The following FRMD4B variants were observed in gnomAD, a reference collection of about 807,000 sequenced individuals.
FRMD4B encodes FERM domain-containing protein 4B.
FRMD4B carries 74 observed loss-of-function variants against 141.5 expected under a neutral mutation model. The observed-to-expected ratio is 0.52, with a 90% CI of 0.43 to 0.63. The LOEUF is 0.63. FRMD4B is among the 30% of genes least tolerant of loss of function. FRMD4B has a pLI of 0.00. For synonymous variants in FRMD4B, 506 were observed against 467.9 expected (o/e 1.08, Z -1.05); for missense variants, 1,366 against 1,253.4 (o/e 1.09, Z -1.36).
intron 20 of FRMD4B, among the ~76,000 whole-genome samples, chr3:69,182,197 C>T (rs1487277893): frequency 1.3e-5 from 2 of 152,126 alleles, no homozygotes; most frequent in Non-Finnish European, 1.5e-5. Context: ...CTTGCTTCCT[C>T]CTTTGTAAGA....
At chr3:69,469,667 A>G (rs995613448) in intron 1 of FRMD4B, among the ~76,000 whole-genome samples, 8 of 152,220 alleles carry the variant, frequency 5.3e-5, no homozygotes, top group Non-Finnish European at 1.0e-4. Flanking sequence ...CCACAAGATT[A>G]TTATTAATCA....
intron 1 of FRMD4B, among the ~76,000 whole-genome samples, chr3:69,368,109 T>C (rs1413064925): frequency 2.6e-5 from 4 of 152,204 alleles, no homozygotes; most frequent in Non-Finnish European, 5.9e-5. Flanking sequence ...TTTATTGAGT[T>C]CTTTTCATGT....
intron 5 of FRMD4B, among the ~76,000 whole-genome samples, chr3:69,273,433 T>C (rs934178564): frequency 3.9e-5 from 6 of 152,322 alleles, no homozygotes; most frequent in Non-Finnish European, 5.9e-5. Context: ...AATCTGATCA[T>C]GCAATGCTGA....
intron 1 of FRMD4B, among the ~76,000 whole-genome samples, chr3:69,520,054 T>A (rs1204871112): frequency 1.7e-5 from 2 of 120,266 alleles, no homozygotes; most frequent in Non-Finnish European, 3.4e-5. Flanking sequence ...TCCATCCATA[T>A]ATATATATGA....
At chr3:69,310,265 G>A (rs1701532844) in intron 3 of FRMD4B, among the ~76,000 whole-genome samples, 1 of 152,104 alleles carries the variant, frequency 6.6e-6, no homozygotes, top group Non-Finnish European at 1.5e-5. Flanking sequence ...GGAATAATCA[G>A]AAGCCACAAG....
chr3:69,196,858 A>G (rs1244369595), intron 13 of FRMD4B, 42 bp downstream of exon 13: 2 of 1,495,954 alleles, frequency 1.3e-6, no homozygotes, highest in Non-Finnish European at 1.8e-6. Context: ...ACAGAATGCA[A>G]AAGGGGAATC....
chr3:69,309,892 T>C (rs1701520065), intron 3 of FRMD4B, among the ~76,000 whole-genome samples: 1 of 152,238 alleles, frequency 6.6e-6, no homozygotes, highest in Non-Finnish European at 1.5e-5. Context: ...TTATGTCTTA[T>C]ACTGTTTGCT....
In FRMD4B at chr3:69,353,632, TGTGTGTGTGTGCGCGC is replaced by T. The variant is rs1287506777; in HGVS notation, c.162+32180_162+32195del. On this transcript the variant is annotated intron_variant, in intron 1 of 22. Coordinates refer to ENST00000398540, the MANE Select transcript of FRMD4B (RefSeq NM_015123.3). Reference sequence around the variant, plus strand: ...ACACGTATTAAGCACTTGTGCGGTGTGTGTGTGTGTGCGCGCGCGTGTGTGTGCGCGCATGTGCTTG... The same window carrying T: ...ACACGTATTAAGCACTTGTGCGGTGTGCGTGTGTGTGCGCGCATGTGCTTG... The T allele has an allele frequency of 1.6e-5, 16 of 981,694 alleles. No individual in the cohort carries two copies. The East Asian group carries it at 1.6e-3, about 98-fold the overall frequency. 60.8% of individuals were successfully genotyped at this position (981,694 alleles called of 1,614,324 possible). A position where few individuals can be genotyped will look rare whatever the true frequency, so the allele number is the denominator to read the frequency against.
At chr3:69,213,905 TG>T (rs2093112612) in intron 11 of FRMD4B, among the ~76,000 whole-genome samples, 4 of 152,060 alleles carry the variant, frequency 2.6e-5, no homozygotes, top group African/African-American at 9.6e-5. Context: ...CTTGAACTCC[TG>T]GCCTTAAGTA....
At chr3:69,498,590 C>T (rs571316082) in intron 1 of FRMD4B, among the ~76,000 whole-genome samples, 2 of 152,314 alleles carry the variant, frequency 1.3e-5, no homozygotes, top group South Asian at 4.1e-4. Context: ...AACAAGGATT[C>T]ATCTTTCTCT....
intron 1 of FRMD4B, among the ~76,000 whole-genome samples, chr3:69,473,864 G>T (rs975814137): frequency 2.0e-5 from 3 of 152,144 alleles, no homozygotes; most frequent in South Asian, 4.1e-4. Flanking sequence ...ACAAGAGAAG[G>T]CTGCTTCTAC....
intron 2 of FRMD4B, among the ~76,000 whole-genome samples, chr3:69,416,375 G>A (rs1055992212): frequency 1.4e-4 from 21 of 152,098 alleles, no homozygotes; most frequent in African/African-American, 5.1e-4. Context: ...TGAATTTCTG[G>A]ACTCAAGTGA....
chr3:69,449,701 T>C (rs1367730939), intron 1 of FRMD4B, among the ~76,000 whole-genome samples: 3 of 152,200 alleles, frequency 2.0e-5, no homozygotes, highest in African/African-American at 7.2e-5. Flanking sequence ...TTCTAAATTC[T>C]TAGTCTTGTG....
intron 1 of FRMD4B, among the ~76,000 whole-genome samples, chr3:69,485,819 C>T (rs1029860270): frequency 2.6e-5 from 4 of 152,234 alleles, no homozygotes; most frequent in Non-Finnish European, 5.9e-5. Flanking sequence ...GCCCCCAAGG[C>T]AGTGGGCTGC....
At chr3:69,195,190 T>C (rs1487466070) in intron 15 of FRMD4B, 41 bp downstream of exon 15, 2 of 1,613,462 alleles carry the variant, frequency 1.2e-6, no homozygotes, top group African/African-American at 1.3e-5. Flanking sequence ...CTGGCCAAAG[T>C]TGTCAAACAC....
At chr3:69,263,396 C>CTTTT (rs67497031) in intron 5 of FRMD4B, among the ~76,000 whole-genome samples, 1,151 of 72,900 alleles carry the variant, frequency 0.016, 85 homozygotes, top group African/African-American at 0.048. Context: ...GTTACATGCA[C>CTTTT]TTTTTTTTTT....
intron 1 of FRMD4B, among the ~76,000 whole-genome samples, chr3:69,373,720 C>A (rs1375946693): frequency 3.9e-5 from 6 of 151,942 alleles, no homozygotes; most frequent in African/African-American, 1.2e-4. Context: ...TAAAAAAATA[C>A]AAAAAATTGC....
At chr3:69,537,916 C>T (rs769802623) in intron 1 of FRMD4B, among the ~76,000 whole-genome samples, 5 of 152,216 alleles carry the variant, frequency 3.3e-5, no homozygotes, top group Non-Finnish European at 7.3e-5. Flanking sequence ...GCAGTCCAGC[C>T]CTTTGATGTC....
intron 6 of FRMD4B, 39 bp from the exon 7 acceptor site, chr3:69,249,287 ATC>A: frequency 7.1e-7 from 1 of 1,415,084 alleles, no homozygotes; most frequent in Non-Finnish European, 9.9e-7. Flanking sequence ...ATCAATATGT[ATC>A]TTTGTTAAGC....
Sources: gnomAD v4.1 joint callset for allele counts (sites outside exome capture counted in the v4.1 genomes callset) on GRCh38, gnomAD v4.1.1 for gene constraint, MANE v1.5 for transcripts, NCBI Gene and HGNC (gene_info 2026-07-23, HGNC 2026-07-21) for gene names.